GRM8: variants seen among roughly 807,000 people sequenced by gnomAD.
The protein encoded by GRM8 is metabotropic glutamate receptor 8.
GRM8 carries 47 observed loss-of-function variants against 87.2 expected under a neutral mutation model. That is an observed-to-expected ratio of 0.54 (90% CI 0.43 to 0.69). The LOEUF (loss-of-function observed/expected upper bound fraction) is 0.69, where lower values mean the gene tolerates loss of function less well. Among genes scored for constraint, GRM8 ranks in the 30% least tolerant of loss-of-function variants. The pLI is 0.00. For synonymous variants in GRM8, 396 were observed against 404.5 expected, an observed-to-expected ratio of 0.98 and a Z score of 0.25; for missense variants, 1,019 against 1,139.2, an observed-to-expected ratio of 0.89 and a Z score of 1.52.
intron 8 of GRM8, among the ~76,000 whole-genome samples, chr7:126,586,313 C>G (rs908730219): frequency 1.3e-5 from 2 of 152,074 alleles, no homozygotes; most frequent in African/African-American, 2.4e-5. Flanking sequence ...ACTTTCTTCA[C>G]AGAATTGGAA....
intron 2 of GRM8, among the ~76,000 whole-genome samples, chr7:127,174,240 A>C (rs1793972330): frequency 6.6e-6 from 1 of 152,204 alleles, no homozygotes; most frequent in Non-Finnish European, 1.5e-5. Context: ...TGGAGGATAT[A>C]GTGAAAAGAA....
intron 10 of GRM8, among the ~76,000 whole-genome samples, chr7:126,441,695 C>T (rs762869710): frequency 2.6e-5 from 4 of 152,036 alleles, no homozygotes; most frequent in Non-Finnish European, 5.9e-5. Flanking sequence ...AACTGACAAT[C>T]AGACTCATTC....
intron 3 of GRM8, among the ~76,000 whole-genome samples, chr7:126,907,085 AAAG>A (rs571579275): frequency 5.4e-5 from 8 of 147,882 alleles, no homozygotes; most frequent in Non-Finnish European, 1.2e-4. Context: ...TGGAGACGAG[AAAG>A]AAGAAGAGCA....
intron 2 of GRM8, among the ~76,000 whole-genome samples, chr7:127,231,666 C>T (rs555565416): frequency 5.9e-5 from 9 of 152,218 alleles, no homozygotes; most frequent in South Asian, 2.1e-4. Flanking sequence ...AAATTATTCC[C>T]TCAACAAAAG....
intron 2 of GRM8, among the ~76,000 whole-genome samples, chr7:127,241,128 A>G (rs908909717): frequency 6.6e-6 from 1 of 152,186 alleles, no homozygotes; most frequent in Non-Finnish European, 1.5e-5. Context: ...AGAAAATTTC[A>G]TCTATCTGAA....
chr7:126,510,488 T>C (rs768436198), intron 9 of GRM8, among the ~76,000 whole-genome samples: 2 of 152,056 alleles, frequency 1.3e-5, no homozygotes, highest in African/African-American at 2.4e-5. Flanking sequence ...GAGGGATTTA[T>C]TGAACATTTA....
intron 7 of GRM8, among the ~76,000 whole-genome samples, chr7:126,631,501 A>G (rs984349980): frequency 1.3e-5 from 2 of 152,142 alleles, no homozygotes; most frequent in Non-Finnish European, 2.9e-5. Context: ...TAAACTACCA[A>G]TGATATTCTT....
intron 2 of GRM8, among the ~76,000 whole-genome samples, chr7:127,235,446 G>T (rs1454530962): frequency 6.6e-6 from 1 of 152,172 alleles, no homozygotes; most frequent in Non-Finnish European, 1.5e-5. Flanking sequence ...TGGCCCCTTT[G>T]TTGGTCCAAG....
intron 3 of GRM8, among the ~76,000 whole-genome samples, chr7:127,042,411 G>A (rs1158784935): frequency 6.6e-6 from 1 of 152,224 alleles, no homozygotes; most frequent in Non-Finnish European, 1.5e-5. Context: ...ATGAAGTGGG[G>A]AGGTGCAATC....
At position 126,609,344 on chromosome 7, in the gene GRM8, G is replaced by A; in HGVS notation, c.1494+18C>T. On this transcript the variant is annotated intron_variant, in intron 8 of 10. Coordinates refer to ENST00000339582, the MANE Select transcript of GRM8 (RefSeq NM_000845.3). ...TGGAGAGCTATATACATTAATATAT[G>A]TTTATGACGATACTTGCTTTTAGAT... 1 of 1,604,184 alleles carries A rather than the reference G, an allele frequency of 6.2e-7. No homozygotes were observed. The highest frequency in any genetic ancestry group is 8.5e-7 in the Non-Finnish European group (1 of 1,171,736).
In GRM8 at chr7:126,800,596, G is replaced by A. The variant is rs577552334; in HGVS notation, c.1157-30531C>T. ...CACATCATCCCAACTGTGCCACTTG[G>A]AGGGCATGAAGTTTCAAAGAATATC... On this transcript the variant is annotated intron_variant, in intron 6 of 10. Coordinates refer to ENST00000339582, the MANE Select transcript of GRM8 (RefSeq NM_000845.3). Among the ~76,000 whole-genome samples, 17 of 152,194 alleles carry A rather than the reference G, an allele frequency of 1.1e-4. No individual in the cohort carries two copies. The South Asian group carries it at 3.3e-3, about 30-fold the overall frequency.
intron 3 of GRM8, among the ~76,000 whole-genome samples, chr7:126,942,748 T>C (rs1475445743): frequency 6.6e-6 from 1 of 152,168 alleles, no homozygotes; most frequent in East Asian, 1.9e-4. Context: ...AGAGTGAAGA[T>C]GAGACTCACC....
At chr7:127,138,582 G>C (rs1007285319) in intron 2 of GRM8, among the ~76,000 whole-genome samples, 7 of 152,078 alleles carry the variant, frequency 4.6e-5, no homozygotes, top group South Asian at 4.1e-4. Context: ...GGTTTAATGG[G>C]ATCACAACAT....
chr7:126,508,251 G>GCA (rs10609479), intron 9 of GRM8, among the ~76,000 whole-genome samples: 3,919 of 150,332 alleles, frequency 0.026, 210 homozygotes, highest in African/African-American at 0.09. Flanking sequence ...ACACACACTG[G>GCA]CACACACACA....
At chr7:126,637,715 G>A (rs1339213769) in intron 7 of GRM8, among the ~76,000 whole-genome samples, 2 of 152,042 alleles carry the variant, frequency 1.3e-5, no homozygotes, top group African/African-American at 4.8e-5. Flanking sequence ...TTGCTACCTC[G>A]AAGTCCCTTG....
chr7:127,041,652 T>C (rs1404571803), intron 3 of GRM8, among the ~76,000 whole-genome samples: 1 of 152,206 alleles, frequency 6.6e-6, no homozygotes, highest in Non-Finnish European at 1.5e-5. Flanking sequence ...CAGACTTTAT[T>C]CCAGTGAACA....
intron 3 of GRM8, among the ~76,000 whole-genome samples, chr7:127,053,109 AG>A (rs1460117087): frequency 6.6e-6 from 1 of 152,186 alleles, no homozygotes; most frequent in Non-Finnish European, 1.5e-5. Flanking sequence ...CACAAGCTTG[AG>A]GGTTCCATGC....
intron 7 of GRM8, among the ~76,000 whole-genome samples, chr7:126,687,323 T>C (rs1169744854): frequency 6.6e-6 from 1 of 152,222 alleles, no homozygotes; most frequent in Non-Finnish European, 1.5e-5. Flanking sequence ...TTTTTCTAAC[T>C]TTACATAAAA....
At chr7:126,693,051 A>T (rs1808996698) in intron 7 of GRM8, among the ~76,000 whole-genome samples, 1 of 152,212 alleles carries the variant, frequency 6.6e-6, no homozygotes, top group South Asian at 2.1e-4. Context: ...TGGCTGGAAG[A>T]GTGAATAACA....
Sources: allele counts gnomAD v4.1 joint callset (sites outside exome capture counted in the v4.1 genomes callset), GRCh38; gene constraint gnomAD v4.1.1; transcripts MANE v1.5; gene names NCBI Gene and HGNC (gene_info 2026-07-23, HGNC 2026-07-21).